SNN: variants seen among roughly 807,000 people sequenced by gnomAD.
SNN encodes stannin, also known as AG8_1.
SNN carries 5 observed loss-of-function variants against 5.3 expected under a neutral mutation model. That is an observed-to-expected ratio of 0.94 (90% CI 0.49 to 1.97). The LOEUF is 1.97. Among genes scored for constraint, SNN ranks in the 30% most tolerant of loss-of-function variants. SNN has a pLI of 0.01. For missense variants in SNN, 127 were observed against 121.6 expected, an observed-to-expected ratio of 1.04 and a Z score of -0.21; for synonymous variants, 67 against 52.1, an observed-to-expected ratio of 1.29 and a Z score of -1.24.
rs2050275571 is a variant in SNN at position 11,672,970 on chromosome 16, AC to A, written c.-85-3000del. On this transcript the variant is annotated intron_variant, in intron 1 of 1. Coordinates refer to ENST00000329565, the MANE Select transcript of SNN (RefSeq NM_003498.6). This position sits in a 1 kb window ranked among gnomAD's most constrained non-coding sequence, Gnocchi z 6.0. ...TACTTCCTGTCCCTGAACCACCCCC[AC>A]CCCCAAACACACACACTTCCCCTTC... 6.6e-6 allele frequency among the ~76,000 whole-genome samples: 1 copy of A among 151,204 alleles called. No homozygotes were observed. The highest frequency in any genetic ancestry group is 1.5e-5 in the Non-Finnish European group (1 of 67,840).
At chr16:11,675,102 CA>C (rs1237591275) in intron 1 of SNN, among the ~76,000 whole-genome samples, 1 of 152,114 alleles carries the variant, frequency 6.6e-6, no homozygotes, top group East Asian at 1.9e-4. Context: ...TGCCGCGTTC[CA>C]GGGGTCTTCC....
At chr16:11,675,503 G>A (rs1567280179) in intron 1 of SNN, among the ~76,000 whole-genome samples, 1 of 152,308 alleles carries the variant, frequency 6.6e-6, no homozygotes, top group East Asian at 1.9e-4. Context: ...CTGGGCTCAA[G>A]TGATCTGCCG....
chr16:11,673,930 G>C (rs1358588223), intron 1 of SNN, among the ~76,000 whole-genome samples: 3 of 152,340 alleles, frequency 2.0e-5, no homozygotes, highest in Admixed American at 6.5e-5. Context: ...CAGTGGAATG[G>C]AGGGAGGGCA....
intron 1 of SNN, among the ~76,000 whole-genome samples, chr16:11,669,381 C>T (rs1443338310): frequency 1.3e-5 from 2 of 152,250 alleles, no homozygotes; most frequent in African/African-American, 4.8e-5. Flanking sequence ...CGCGGCCCCT[C>T]AGGCACGCGG....
chr16:11,674,824 T>G (rs2050287849), intron 1 of SNN, among the ~76,000 whole-genome samples: 1 of 152,216 alleles, frequency 6.6e-6, no homozygotes, highest in Non-Finnish European at 1.5e-5. Context: ...GGTTAGCATC[T>G]TGGCACCTGG....
In SNN at chr16:11,670,600, TC is replaced by T. The variant is rs8191281; in HGVS notation, c.-86+2064del. On this transcript the variant is annotated intron_variant, in intron 1 of 1. Coordinates refer to ENST00000329565, the MANE Select transcript of SNN (RefSeq NM_003498.6). ...TCACTTTTCTTACCACTTCTCATCCTCCCCACGACCTGGTAGATGAGGTCAG... is the reference window on the plus strand; with the variant it reads ...TCACTTTTCTTACCACTTCTCATCCTCCCACGACCTGGTAGATGAGGTCAG... 2.8e-3 allele frequency among the ~76,000 whole-genome samples: 426 copies of T among 152,284 alleles called. 7 individuals carry two copies. Among genetic ancestry groups the T allele is most frequent in the Non-Finnish European group, 2.4e-3 (161 of 68,024 alleles).
At position 11,677,093 on chromosome 16, in the gene SNN, G is replaced by A. The variant is rs867767431; in HGVS notation, c.*767G>A. On this transcript the variant is annotated 3_prime_UTR_variant, in exon 2 of 2. Transcript: ENST00000329565. This position sits in a 1 kb window ranked among gnomAD's most constrained non-coding sequence, Gnocchi z 4.2. Reference sequence around the variant, plus strand: ...AGGGCACGCGTCCTGGAGGCTGCCAGCGTCCTTGTAGCAGAGCAGTTTCTT... The same window carrying A: ...AGGGCACGCGTCCTGGAGGCTGCCAACGTCCTTGTAGCAGAGCAGTTTCTT... 6.0e-6 allele frequency: 1 copy of A among 167,142 alleles called. No homozygotes were observed. Among genetic ancestry groups the A allele is most frequent in the African/African-American group, 2.4e-5 (1 of 41,462 alleles). 10.4% of individuals were successfully genotyped at this position (167,142 alleles called of 1,614,324 possible).
In SNN at chr16:11,671,518, T is replaced by C. The variant is rs1487912639; in HGVS notation, c.-86+2978T>C. ...CTTCACCTCCCTGCGTGCGCCTCAG[T>C]TTCCTCACCTGCCAGATGGAGATGC... On this transcript the variant is annotated intron_variant, in intron 1 of 1. Coordinates refer to ENST00000329565, the MANE Select transcript of SNN (RefSeq NM_003498.6). This position sits in a 1 kb window ranked among gnomAD's most constrained non-coding sequence, Gnocchi z 4.7. 1.3e-5 allele frequency among the ~76,000 whole-genome samples: 2 copies of C among 152,046 alleles called. No homozygotes were observed. Among genetic ancestry groups the C allele is most frequent in the Non-Finnish European group, 2.9e-5 (2 of 67,992 alleles).
intron 1 of SNN, among the ~76,000 whole-genome samples, chr16:11,674,602 C>T (rs933524604): frequency 6.6e-6 from 1 of 152,240 alleles, no homozygotes; most frequent in African/African-American, 2.4e-5. Context: ...CCTCCAACTT[C>T]TGGCGTCATT....
chr16:11,674,130 C>T (rs2050283450), intron 1 of SNN, among the ~76,000 whole-genome samples: 1 of 152,230 alleles, frequency 6.6e-6, no homozygotes, highest in African/African-American at 2.4e-5. Flanking sequence ...AGGTTCGACC[C>T]TATTTGGAGG....
In SNN at chr16:11,672,917, C is replaced by G. The variant is rs1376525021; in HGVS notation, c.-85-3058C>G. Among the ~76,000 whole-genome samples, 1 of 152,178 alleles carries G rather than the reference C, an allele frequency of 6.6e-6. No homozygotes were observed. The highest frequency in any genetic ancestry group is 2.4e-5 in the African/African-American group (1 of 41,446). On this transcript the variant is annotated intron_variant, in intron 1 of 1. Coordinates refer to ENST00000329565, the MANE Select transcript of SNN (RefSeq NM_003498.6). This position sits in a 1 kb window ranked among gnomAD's most constrained non-coding sequence, Gnocchi z 6.0. ...CCACCTGGCTTTGCCCCGCCTATCCCAGGTCCTGGTGCCATTGTTTGATTT... is the reference window on the plus strand; with the variant it reads ...CCACCTGGCTTTGCCCCGCCTATCCGAGGTCCTGGTGCCATTGTTTGATTT...
chr16:11,675,258 C>CTTTT (rs769141223), intron 1 of SNN, among the ~76,000 whole-genome samples: 13 of 125,318 alleles, frequency 1.0e-4, no homozygotes, highest in South Asian at 2.6e-4. Flanking sequence ...TTTTTTTTTT[C>CTTTT]TTTTTTTTTT....
intron 1 of SNN, among the ~76,000 whole-genome samples, chr16:11,670,033 G>T (rs2050257333): frequency 6.6e-6 from 1 of 152,222 alleles, no homozygotes; most frequent in African/African-American, 2.4e-5. Context: ...ATGCGTCCTT[G>T]TGTCCCACTG....
intron 1 of SNN, among the ~76,000 whole-genome samples, chr16:11,669,871 G>A (rs777768275): frequency 1.3e-5 from 2 of 152,154 alleles, no homozygotes; most frequent in Non-Finnish European, 2.9e-5. Flanking sequence ...ATTCTGGAGC[G>A]AGTTTCCTCT....
In SNN at chr16:11,678,970, C is replaced by T; in HGVS notation, c.*2644C>T. 2.6e-5 allele frequency: 14 copies of T among 548,158 alleles called. No homozygotes were observed. In the South Asian group the frequency reaches 3.4e-4, roughly 13 times the overall value. The allele number at this position is 548,158 out of a possible 1,614,324, so 34.0% of individuals were successfully genotyped here. ...CTAAAATATGGACTAATTTTTTGGA[C>T]AAATCTTCAAACGGACTGTGCTACT... On this transcript the variant is annotated 3_prime_UTR_variant, in exon 2 of 2. Coordinates refer to ENST00000329565, the MANE Select transcript of SNN (RefSeq NM_003498.6).
chr16:11,675,200 A>AT (rs1404952504), intron 1 of SNN, among the ~76,000 whole-genome samples: 3 of 147,202 alleles, frequency 2.0e-5, no homozygotes, highest in Admixed American at 2.0e-4. Flanking sequence ...TGTTCTGTAT[A>AT]TGATGTCTGT....
rs935146460 is a variant in SNN, at chr16:11,678,046, A to C, written c.*1720A>C. The C allele has an allele frequency of 6.0e-6, 1 of 167,178 alleles. No individual in the cohort carries two copies. Among genetic ancestry groups the C allele is most frequent in the Non-Finnish European group, 1.5e-5 (1 of 68,176 alleles). 10.4% of individuals were successfully genotyped at this position (167,178 alleles called of 1,614,324 possible). ...GCCACCTGAGCAGAAGGTGGTAATG[A>C]AACACCTCAGCTGGGCTCTTGGGAG... On this transcript the variant is annotated 3_prime_UTR_variant, in exon 2 of 2. Coordinates refer to ENST00000329565, the MANE Select transcript of SNN (RefSeq NM_003498.6).
At chr16:11,670,136 C>T (rs571842301) in intron 1 of SNN, among the ~76,000 whole-genome samples, 127 of 152,300 alleles carry the variant, frequency 8.3e-4, no homozygotes, top group Middle Eastern at 3.4e-3. Flanking sequence ...TTTTCCCAGT[C>T]AGAACCTGGG....
Position 11,672,975 on chromosome 16 carries a change from CA to C in SNN, c.-85-2997del, listed in dbSNP as rs1488584250. Among the ~76,000 whole-genome samples, 1 of 152,188 alleles carries C rather than the reference CA, an allele frequency of 6.6e-6. No individual in the cohort carries two copies. Among genetic ancestry groups the C allele is most frequent in the African/African-American group, 2.4e-5 (1 of 41,440 alleles). On this transcript the variant is annotated intron_variant, in intron 1 of 1. Transcript: ENST00000329565. This position sits in a 1 kb window ranked among gnomAD's most constrained non-coding sequence, Gnocchi z 6.0. ...CCTGTCCCTGAACCACCCCCACCCC[CA>C]AACACACACACTTCCCCTTCCGAAT...
Sources: gnomAD v4.1 joint callset for allele counts (sites outside exome capture counted in the v4.1 genomes callset) on GRCh38, gnomAD v4.1.1 for gene constraint, Gnocchi (gnomAD v3.1) non-coding constraint, MANE v1.5 for transcripts, NCBI Gene and HGNC (gene_info 2026-07-23, HGNC 2026-07-21) for gene names.